Variants in C10orf67 observed in about 807,000 individuals in gnomAD.
C10orf67 encodes chromosome 10 open reading frame 67.
C10orf67 carries 60 observed loss-of-function variants against 35.6 expected under a neutral mutation model. The ratio of observed to expected loss-of-function variants is 1.68; its 90% CI spans 1.37 to 2.09. The LOEUF (loss-of-function observed/expected upper bound fraction) is 2.09. Among genes scored for constraint, C10orf67 ranks in the 30% most tolerant of loss-of-function variants. C10orf67 has a pLI of 0.00. For missense variants in C10orf67, 474 were observed against 330.2 expected, an observed-to-expected ratio of 1.44 and a Z score of -3.38; for synonymous variants, 167 against 115.8, an observed-to-expected ratio of 1.44 and a Z score of -2.84.
In C10orf67 at chr10:23,344,795, C is replaced by A; in HGVS notation, c.-21G>T. The A allele has an allele frequency of 6.5e-7, 1 of 1,543,232 alleles. No individual in the cohort carries two copies. The highest frequency in any genetic ancestry group is 1.4e-5 in the African/African-American group (1 of 72,980). ...GCCATCATAAGAGGAGAGCAGGCTG[C>A]CTAATAAGCTGTCTCCACCTGCCAC... On this transcript the variant is annotated 5_prime_UTR_variant, in exon 1 of 16. Coordinates refer to ENST00000636213, the MANE Select transcript of C10orf67 (RefSeq NM_001371909.1).
chr10:23,328,362 G>C (rs977670464), intron 2 of C10orf67, among the ~76,000 whole-genome samples: 1 of 152,072 alleles, frequency 6.6e-6, no homozygotes, highest in African/African-American at 2.4e-5. Context: ...ATATGGCAAG[G>C]CTTTCTATGG....
chr10:23,329,713 C>A (rs1845357054), intron 2 of C10orf67, among the ~76,000 whole-genome samples: 1 of 139,680 alleles, frequency 7.2e-6, no homozygotes, highest in Non-Finnish European at 1.5e-5. Context: ...GGTGGGAGGA[C>A]TGCTTGATTC....
At chr10:23,234,618 A>G (rs768355267) in intron 13 of C10orf67, among the ~76,000 whole-genome samples, 4 of 151,920 alleles carry the variant, frequency 2.6e-5, no homozygotes, top group Admixed American at 6.6e-5. Flanking sequence ...TGTACAACAA[A>G]CCCCCATGAT....
At position 23,216,761 on chromosome 10, in the gene C10orf67, A is replaced by G. The variant is rs16923113; in HGVS notation, c.1570+6837T>C. Among the ~76,000 whole-genome samples the G allele has an allele frequency of 2.0e-3, 308 of 152,292 alleles. 3 individuals are homozygous for G. The highest frequency in any genetic ancestry group is 5.9e-3 in the African/African-American group (246 of 41,578). On this transcript the variant is annotated intron_variant, in intron 15 of 15. Transcript: ENST00000636213. ...CATCATGGATATAATGCTTGAAAAC[A>G]TGCCAAATGATGTTATAAATTATTT...
At chr10:23,334,952 G>A (rs891948331) in intron 1 of C10orf67, among the ~76,000 whole-genome samples, 4 of 152,196 alleles carry the variant, frequency 2.6e-5, no homozygotes, top group African/African-American at 4.8e-5. Context: ...ACTTCGGGAG[G>A]CCAAGGCAGG....
At chr10:23,212,462 T>C (rs1242464350) in intron 15 of C10orf67, among the ~76,000 whole-genome samples, 1 of 152,180 alleles carries the variant, frequency 6.6e-6, no homozygotes, top group African/African-American at 2.4e-5. Context: ...TAAATGTGCT[T>C]CATGCTGGGT....
At chr10:23,311,732 T>C (rs2132308631) in intron 4 of C10orf67, among the ~76,000 whole-genome samples, 1 of 83,740 alleles carries the variant, frequency 1.2e-5, no homozygotes, top group Admixed American at 1.2e-4. Context: ...AAAAAGAAAT[T>C]CTAGCTTGGG....
chr10:23,275,150 T>A (rs528094096), intron 8 of C10orf67, among the ~76,000 whole-genome samples: 1 of 152,256 alleles, frequency 6.6e-6, no homozygotes, highest in South Asian at 2.1e-4. Flanking sequence ...ACAGAGAGTA[T>A]TTCCATTTGC....
intron 3 of C10orf67, among the ~76,000 whole-genome samples, chr10:23,321,959 T>C (rs1176060595): frequency 6.6e-6 from 1 of 152,052 alleles, no homozygotes; most frequent in Non-Finnish European, 1.5e-5. Context: ...GGCTCATGCT[T>C]TTATTCTTCG....
chr10:23,267,350 T>C, intron 8 of C10orf67, 96 bp from the exon 9 acceptor site: 1 of 570,634 alleles, frequency 1.8e-6, no homozygotes, highest in Non-Finnish European at 3.1e-6. Context: ...AAGAGTAACG[T>C]TTTAAACCAT....
intron 10 of C10orf67, among the ~76,000 whole-genome samples, chr10:23,264,151 G>C (rs1319812471): frequency 6.6e-6 from 1 of 152,136 alleles, no homozygotes; most frequent in Non-Finnish European, 1.5e-5. Flanking sequence ...TACCTCCATG[G>C]AGTTAAATAT....
At chr10:23,296,567 G>A (rs1467543813) in intron 5 of C10orf67, among the ~76,000 whole-genome samples, 1 of 152,164 alleles carries the variant, frequency 6.6e-6, no homozygotes, top group East Asian at 1.9e-4. Context: ...CTGTTGGGGA[G>A]GTTGGCTGAT....
chr10:23,251,344 C>T (rs2132159712), intron 10 of C10orf67, among the ~76,000 whole-genome samples: 1 of 152,298 alleles, frequency 6.6e-6, no homozygotes, highest in South Asian at 2.1e-4. Context: ...TGTGGTCTCT[C>T]CATCTCTTCG....
intron 9 of C10orf67, 52 bp downstream of exon 9, chr10:23,267,141 CAG>C (rs746472994): frequency 2.3e-5 from 16 of 686,336 alleles, no homozygotes; most frequent in Non-Finnish European, 4.3e-5. Flanking sequence ...ATACCAAAAT[CAG>C]AGAAGCACAA....
chr10:23,284,161 C>T (rs1843456798), intron 7 of C10orf67, among the ~76,000 whole-genome samples: 1 of 151,006 alleles, frequency 6.6e-6, no homozygotes, highest in African/African-American at 2.4e-5. Context: ...TATCTGAAGG[C>T]TTCTGAGTTG....
At chr10:23,243,906 T>C (rs1047108651) in intron 12 of C10orf67, among the ~76,000 whole-genome samples, 3 of 152,072 alleles carry the variant, frequency 2.0e-5, no homozygotes, top group Non-Finnish European at 2.9e-5. Flanking sequence ...CTCTTTTTTA[T>C]CTTGAGAAAA....
intron 15 of C10orf67, among the ~76,000 whole-genome samples, chr10:23,222,026 G>A (rs1461030068): frequency 2.6e-5 from 4 of 152,106 alleles, no homozygotes; most frequent in East Asian, 3.9e-4. Context: ...TTAATATTCA[G>A]AATTATGAGC....
chr10:23,255,078 G>T (rs572572393), intron 10 of C10orf67, among the ~76,000 whole-genome samples: 1 of 152,092 alleles, frequency 6.6e-6, no homozygotes, highest in Non-Finnish European at 1.5e-5. Context: ...CCAGTAATGT[G>T]CCAGTGGGTG....
intron 13 of C10orf67, among the ~76,000 whole-genome samples, chr10:23,231,675 G>T (rs2132122772): frequency 6.6e-6 from 1 of 152,322 alleles, no homozygotes; most frequent in South Asian, 2.1e-4. Flanking sequence ...AAGAGCTCCT[G>T]TATCTGTGTA....
Sources: allele counts gnomAD v4.1 joint callset (sites outside exome capture counted in the v4.1 genomes callset), GRCh38; gene constraint gnomAD v4.1.1; transcripts MANE v1.5; gene names NCBI Gene and HGNC (gene_info 2026-07-23, HGNC 2026-07-21).